The following CSF1R variants were observed in gnomAD, a reference collection of about 807,000 sequenced individuals.
CSF1R encodes colony stimulating factor 1 receptor, also known as macrophage colony-stimulating factor 1 receptor.
Under a neutral mutation model 110.0 loss-of-function variants are expected in CSF1R, and 40 were observed. The observed-to-expected ratio is 0.36, with a 90% CI of 0.28 to 0.47. CSF1R has a LOEUF of 0.47. Among genes scored for constraint, CSF1R ranks in the 20% least tolerant of loss-of-function variants. The pLI is 0.99. For missense variants in CSF1R, 1,052 were observed against 1,253.0 expected, an observed-to-expected ratio of 0.84 and a Z score of 2.42; for synonymous variants, 523 against 503.4, an observed-to-expected ratio of 1.04 and a Z score of -0.52.
chr5:150,104,343 C>A (rs4362932), intron 1 of CSF1R, among the ~76,000 whole-genome samples: 3 of 152,178 alleles, frequency 2.0e-5, no homozygotes, highest in African/African-American at 7.2e-5. Context: ...TCTGTCCCCA[C>A]GATCAAAGGA....
At chr5:150,085,130 T>C (rs1292019953) in intron 1 of CSF1R, among the ~76,000 whole-genome samples, 1 of 151,688 alleles carries the variant, frequency 6.6e-6, no homozygotes, top group Non-Finnish European at 1.5e-5. Context: ...AATACAAAAA[T>C]TAGCCAGTCA....
At chr5:150,091,766 A>G (rs918507913) in intron 1 of CSF1R, among the ~76,000 whole-genome samples, 2 of 150,864 alleles carry the variant, frequency 1.3e-5, no homozygotes, top group African/African-American at 4.9e-5. Context: ...TGTTATGTGA[A>G]TTTTATCTCA....
rs1300965018 is a variant in CSF1R at position 150,056,270 on chromosome 5, G to C, written c.2391C>G (p.Phe797Leu). The change falls in exon 17 of 21, where the codon TTC becomes TTG. Residue 797 changes from phenylalanine to leucine, a missense_variant. Physicochemically the swap from Phe to Leu is conservative, Grantham distance 22. Transcript: ENST00000675795. Reference protein sequence around the residue: ...TNGHVAKIGDFGLARDIMNDS... With the variant: ...TNGHVAKIGDLGLARDIMNDS... The stretch of plus-strand genomic sequence containing the variant: ...CATTCATGATGTCCCTAGCCAGCCC[G>C]AAGTCCCCAATCTTGGCCACATGAC... 1 of 1,614,132 alleles carries C rather than the reference G, an allele frequency of 6.2e-7. No homozygotes were observed. The highest frequency in any genetic ancestry group is 8.5e-7 in the Non-Finnish European group (1 of 1,180,028).
At chr5:150,059,115 G>C (rs1306756608) in intron 14 of CSF1R, among the ~76,000 whole-genome samples, 1 of 152,162 alleles carries the variant, frequency 6.6e-6, no homozygotes, top group Non-Finnish European at 1.5e-5. Context: ...TGTGATCTCA[G>C]CTCACAGCAA....
At chr5:150,081,051 G>A (rs748735413) in intron 1 of CSF1R, 27 bp from the exon 2 acceptor site, 3 of 1,612,906 alleles carry the variant, frequency 1.9e-6, no homozygotes, top group Non-Finnish European at 2.5e-6. Context: ...ACAGCAGACA[G>A]AAGTGAGGTC....
intron 13 of CSF1R, 119 bp from the exon 14 acceptor site, chr5:150,059,981 C>A: frequency 8.5e-7 from 1 of 1,174,718 alleles, no homozygotes; most frequent in East Asian, 2.4e-5. Context: ...TGAGTTCTAA[C>A]CTCGGCTCTG....
intron 6 of CSF1R, 38 bp from the exon 7 acceptor site, chr5:150,070,609 C>A: frequency 7.3e-7 from 1 of 1,372,690 alleles, no homozygotes; most frequent in Non-Finnish European, 9.8e-7. Flanking sequence ...TGAGCCCCAG[C>A]CTAGTATGGC....
chr5:150,096,827 A>T (rs1197851732), intron 1 of CSF1R, among the ~76,000 whole-genome samples: 1 of 152,232 alleles, frequency 6.6e-6, no homozygotes. Context: ...CATCTGTAAA[A>T]ACCCTACCAC....
chr5:150,069,945 T>G lies in CSF1R; in HGVS notation c.1438A>C (p.Asn480His), dbSNP rs1757960190. Residue 480 changes from asparagine (N) to histidine (H), a missense_variant, in exon 9 of 21, where the codon AAC becomes CAC. Around this residue, in one of 5 missense-constraint regions of CSF1R, gnomAD observed 693 missense variants for 735.4 expected, o/e 0.94. Coordinates refer to ENST00000675795, the MANE Select transcript of CSF1R (RefSeq NM_001288705.3). ...SLLTVETLEH[N>H]QTYECRAHNS... ...TGGGCCCTGCACTCGTAGGTTTGGT[T>G]GTGCTCTAAGGTCTCAACAGTCAGC... 1.2e-6 allele frequency: 2 copies of G among 1,614,034 alleles called. No homozygotes were observed. Among genetic ancestry groups the G allele is most frequent in the Non-Finnish European group, 1.7e-6 (2 of 1,179,914 alleles).
upstream of CSF1R, among the ~76,000 whole-genome samples, chr5:150,090,565 T>C (rs992159958): frequency 1.3e-5 from 2 of 152,186 alleles, no homozygotes; most frequent in African/African-American, 4.8e-5. Context: ...TCATACAGTG[T>C]GTAGCTAAAG....
intron 1 of CSF1R, among the ~76,000 whole-genome samples, chr5:150,082,911 C>T (rs1417651203): frequency 3.3e-5 from 5 of 152,148 alleles, no homozygotes; most frequent in Non-Finnish European, 7.4e-5. Flanking sequence ...TCTGTGATTC[C>T]ATTTGTTCCT....
At chr5:150,081,526 C>T (rs1339819077) in intron 1 of CSF1R, among the ~76,000 whole-genome samples, 1 of 152,178 alleles carries the variant, frequency 6.6e-6, no homozygotes, top group Admixed American at 6.5e-5. Context: ...CCAAGAATCT[C>T]CTGGTGTGCC....
In CSF1R at chr5:150,054,237, G is replaced by A. The variant is rs774532598; in HGVS notation, c.2764-13C>T. On this transcript the variant is annotated splice_polypyrimidine_tract_variant and intron_variant, in intron 20 of 20. Coordinates refer to ENST00000675795, the MANE Select transcript of CSF1R (RefSeq NM_001288705.3). ...GATTGGTATAGTCCTGAGGGTGGGA[G>A]GGACCAGAAACTGTCAGTCCAGATC... 4 of 1,612,700 alleles carry A rather than the reference G, an allele frequency of 2.5e-6. No homozygotes were observed. The highest frequency in any genetic ancestry group is 1.3e-5 in the African/African-American group (1 of 75,012).
upstream of CSF1R, among the ~76,000 whole-genome samples, chr5:150,090,209 A>C (rs1758995128): frequency 6.6e-6 from 1 of 152,250 alleles, no homozygotes; most frequent in Non-Finnish European, 1.5e-5. Flanking sequence ...ATCAAAGGAC[A>C]CTGTCAAGAG....
At chr5:150,110,716 A>T (rs906979862) in intron 1 of CSF1R, among the ~76,000 whole-genome samples, 1 of 151,212 alleles carries the variant, frequency 6.6e-6, no homozygotes, top group East Asian at 1.9e-4. Context: ...TAACTAAACT[A>T]TTTATAGTGA....
At chr5:150,108,007 C>A (rs938829977) in intron 1 of CSF1R, among the ~76,000 whole-genome samples, 1 of 151,900 alleles carries the variant, frequency 6.6e-6, no homozygotes, top group African/African-American at 2.4e-5. Context: ...CCTGGGATCA[C>A]CGGAGAGAAG....
intron 8 of CSF1R, 53 bp downstream of exon 8, chr5:150,070,129 C>T (rs1052119599): frequency 1.9e-6 from 3 of 1,608,892 alleles, no homozygotes; most frequent in African/African-American, 2.7e-5. Context: ...CTCCCACTCA[C>T]AGGGTGCCCA....
intron 1 of CSF1R, among the ~76,000 whole-genome samples, chr5:150,107,616 C>G (rs1028255042): frequency 6.6e-6 from 1 of 152,222 alleles, no homozygotes; most frequent in Non-Finnish European, 1.5e-5. Flanking sequence ...AACCCTGGAA[C>G]CCAGAGCCAG....
At chr5:150,061,946 A>G (rs1278293165) in intron 10 of CSF1R, 97 bp from the exon 11 acceptor site, 1 of 1,563,432 alleles carries the variant, frequency 6.4e-7, no homozygotes, top group East Asian at 2.3e-5. Context: ...GGCAGTCCCA[A>G]GGCGCCCAGT....
Sources: gnomAD v4.1 joint callset for allele counts (sites outside exome capture counted in the v4.1 genomes callset) on GRCh38, gnomAD v4.1.1 for gene constraint, gnomAD v4.1.1 regional missense constraint, MANE v1.5 for transcripts, NCBI Gene and HGNC (gene_info 2026-07-23, HGNC 2026-07-21) for gene names.